Variants in SLC5A10 observed in about 807,000 individuals in gnomAD.
SLC5A10 encodes solute carrier family 5 member 10.
A neutral mutation model predicts 68.9 loss-of-function variants in SLC5A10; 55 were observed. The ratio of observed to expected loss-of-function variants is 0.80; its 90% CI spans 0.64 to 1.00. The LOEUF (loss-of-function observed/expected upper bound fraction) is 1.00, where lower values mean the gene tolerates loss of function less well. Among genes scored for constraint, SLC5A10 ranks in the 50% least tolerant of loss-of-function variants. The pLI is 0.00. For synonymous variants in SLC5A10, 344 were observed against 344.8 expected (o/e 1.00, Z 0.02); for missense variants, 732 against 819.3 (o/e 0.89, Z 1.30).
chr17:19,020,116 TCCCCCA>T, intron 13 of SLC5A10, 33 bp from the exon 14 acceptor site: 1 of 453,674 alleles, frequency 2.2e-6, no homozygotes, highest in Non-Finnish European at 4.1e-6. Context: ...CACCCTGCCA[TCCCCCA>T]CCCCCAACCC....
intron 1 of SLC5A10, among the ~76,000 whole-genome samples, chr17:18,958,305 T>G (rs1445209574): frequency 1.3e-5 from 2 of 151,706 alleles, no homozygotes; most frequent in Non-Finnish European, 2.9e-5. Flanking sequence ...AGTGATCCGC[T>G]TACCTCCGCC....
rs115917100 is a variant in SLC5A10 at position 19,007,446 on chromosome 17, A to G, written c.983-5964A>G. 2.2e-3 allele frequency among the ~76,000 whole-genome samples: 331 copies of G among 152,234 alleles called. 1 individual carries two copies. Among genetic ancestry groups the G allele is most frequent in the African/African-American group, 7.6e-3 (317 of 41,540 alleles). On this transcript the variant is annotated intron_variant, in intron 9 of 14. Transcript: ENST00000395645. ...GAGATAGGCTCTTGCTCTGTTATCC[A>G]GGCTGAAGTGCAGTGGCTTAATGAT... is the stretch of plus-strand genomic sequence containing the variant.
chr17:18,962,776 GC>G (rs1476028096), intron 5 of SLC5A10, among the ~76,000 whole-genome samples: 1 of 152,158 alleles, frequency 6.6e-6, no homozygotes, highest in South Asian at 2.1e-4. Flanking sequence ...TTGTGAGGAG[GC>G]CCCAGGTAGG....
At chr17:18,976,195 A>AAAAAAAAAAAAAAAAAAG (rs2042976516) in intron 8 of SLC5A10, 1 of 151,608 alleles carries the variant, frequency 6.6e-6, no homozygotes. Flanking sequence ...CTCAAAAAAA[A>AAAAAAAAAAAAAAAAAAG]AGTAACTCTT....
intron 9 of SLC5A10, among the ~76,000 whole-genome samples, chr17:19,012,893 A>G (rs2044045907): frequency 6.6e-6 from 1 of 152,218 alleles, no homozygotes; most frequent in African/African-American, 2.4e-5. Context: ...CTTTCACCAC[A>G]GCCCTGCTGC....
At chr17:18,969,258 C>T (rs2042778221) in intron 6 of SLC5A10, 84 bp from the exon 7 acceptor site, 2 of 1,577,780 alleles carry the variant, frequency 1.3e-6, no homozygotes, top group African/African-American at 1.3e-5. Context: ...GGAAGTGGCC[C>T]CAGCAGGAGC....
chr17:18,953,054 T>A (rs2042405171), intron 1 of SLC5A10, among the ~76,000 whole-genome samples: 1 of 151,908 alleles, frequency 6.6e-6, no homozygotes, highest in Non-Finnish European at 1.5e-5. Flanking sequence ...TGGGCTCCAC[T>A]TCTTAAGCCC....
rs1006232643 is a variant in SLC5A10 at position 18,978,822 on chromosome 17, G to A, written c.982+1833G>A. The stretch of plus-strand genomic sequence containing the variant: ...CCAGACAGCACAGAGATCACATTCC[G>A]GTCCGTCCGCGCGGCCGACCACGTG... On this transcript the variant is annotated intron_variant, in intron 9 of 14. Transcript: ENST00000395645. 8.7e-6 allele frequency: 14 copies of A among 1,612,608 alleles called. No individual in the cohort carries two copies. Among genetic ancestry groups the A allele is most frequent in the South Asian group, 4.4e-5 (4 of 91,086 alleles).
In SLC5A10 at chr17:19,000,498, A is replaced by G. The variant is rs991545199; in HGVS notation, c.983-12912A>G. ...AGTTCCATTCTAGTCATTTGGGAACAGGGGGGACTGACAGCAGTCCTGACA... is the reference window on the plus strand; with the variant it reads ...AGTTCCATTCTAGTCATTTGGGAACGGGGGGGACTGACAGCAGTCCTGACA... On this transcript the variant is annotated intron_variant, in intron 9 of 14. Coordinates refer to ENST00000395645, the MANE Select transcript of SLC5A10 (RefSeq NM_001042450.4). The surrounding 1 kb of genome is among the most constrained non-coding windows in gnomAD (Gnocchi z 5.2). Among the ~76,000 whole-genome samples, 1 of 152,134 alleles carries G rather than the reference A, an allele frequency of 6.6e-6. No homozygotes were observed. Among genetic ancestry groups the G allele is most frequent in the Non-Finnish European group, 1.5e-5 (1 of 68,000 alleles).
intron 9 of SLC5A10, among the ~76,000 whole-genome samples, chr17:19,008,033 T>C (rs73982618): frequency 0.064 from 9,739 of 152,202 alleles, 1,040 homozygotes; most frequent in African/African-American, 0.22. Flanking sequence ...TTGGCACTGG[T>C]AAGGGTTTGG....
At chr17:18,966,339 G>C (rs1326742150) in intron 5 of SLC5A10, among the ~76,000 whole-genome samples, 1 of 152,170 alleles carries the variant, frequency 6.6e-6, no homozygotes, top group African/African-American at 2.4e-5. Context: ...TGTGCCCTGG[G>C]AGTGGCCCTT....
intron 5 of SLC5A10, 137 bp downstream of exon 5, chr17:18,960,789 AT>A: frequency 2.3e-6 from 2 of 864,608 alleles, no homozygotes; most frequent in Non-Finnish European, 3.7e-6. Flanking sequence ...GAGAGGGGCA[AT>A]GACTTGCCCA....
Position 18,971,334 on chromosome 17 carries a change from T to C in SLC5A10, c.846+116T>C, listed in dbSNP as rs1303200247. On this transcript the variant is annotated intron_variant, in intron 8 of 14. Coordinates refer to ENST00000395645, the MANE Select transcript of SLC5A10 (RefSeq NM_001042450.4). This position sits in a 1 kb window ranked among gnomAD's most constrained non-coding sequence, Gnocchi z 5.5. ...GAGTCTGGGCTGGGGCCTCAGAAGG[T>C]GTGGCTCCAGGCTGGGACATGCTGC... The C allele has an allele frequency of 1.9e-6, 3 of 1,606,436 alleles. No individual in the cohort carries two copies. The highest frequency in any genetic ancestry group is 2.2e-5 in the East Asian group (1 of 44,692).
At chr17:18,958,605 T>C in intron 1 of SLC5A10, 77 bp from the exon 2 acceptor site, 2 of 1,304,148 alleles carry the variant, frequency 1.5e-6, no homozygotes, top group Non-Finnish European at 2.2e-6. Flanking sequence ...TTTGAGGAGC[T>C]GCCAAGCCGT....
chr17:19,010,083 A>G (rs1665870436), intron 9 of SLC5A10, among the ~76,000 whole-genome samples: 1 of 152,014 alleles, frequency 6.6e-6, no homozygotes, highest in Non-Finnish European at 1.5e-5. Context: ...GAGGGCCTTA[A>G]TTGGAGCCTG....
chr17:18,963,483 G>A (rs775777040), intron 5 of SLC5A10, among the ~76,000 whole-genome samples: 1 of 152,258 alleles, frequency 6.6e-6, no homozygotes, highest in African/African-American at 2.4e-5. Flanking sequence ...CCAACGCTGG[G>A]GCTGCCTGGA....
At position 18,974,038 on chromosome 17, in the gene SLC5A10, G is replaced by A. The variant is rs971492661; in HGVS notation, c.847-2816G>A. On this transcript the variant is annotated intron_variant, in intron 8 of 14. Coordinates refer to ENST00000395645, the MANE Select transcript of SLC5A10 (RefSeq NM_001042450.4). Reference sequence around the variant, plus strand: ...CTCCTAAGTAGTTGGGATTACAAGCGTGTACCATCATGCCCGGCTAATTTT... The same window carrying A: ...CTCCTAAGTAGTTGGGATTACAAGCATGTACCATCATGCCCGGCTAATTTT... 1.2e-4 allele frequency among the ~76,000 whole-genome samples: 18 copies of A among 152,140 alleles called. 1 individual carries two copies. The highest frequency in any genetic ancestry group is 1.9e-4 in the East Asian group (1 of 5,178).
At chr17:18,961,733 C>T (rs551986473) in intron 5 of SLC5A10, among the ~76,000 whole-genome samples, 2 of 152,218 alleles carry the variant, frequency 1.3e-5, no homozygotes, top group South Asian at 4.1e-4. Flanking sequence ...CTAAAGGGTC[C>T]ATCCAGAGCC....
At chr17:18,961,436 T>C (rs1236216400) in intron 5 of SLC5A10, among the ~76,000 whole-genome samples, 4 of 151,840 alleles carry the variant, frequency 2.6e-5, no homozygotes, top group Non-Finnish European at 5.9e-5. Flanking sequence ...GCTCCTCCCT[T>C]GTAAGGAGGG....
Sources: gnomAD v4.1 joint callset for allele counts (sites outside exome capture counted in the v4.1 genomes callset) on GRCh38, gnomAD v4.1.1 for gene constraint, Gnocchi (gnomAD v3.1) non-coding constraint, MANE v1.5 for transcripts, NCBI Gene and HGNC (gene_info 2026-07-23, HGNC 2026-07-21) for gene names.